Variants in ITSN2 observed in about 807,000 individuals in gnomAD.
ITSN2 encodes intersectin-2.
ITSN2 carries 156 observed loss-of-function variants against 243.7 expected under a neutral mutation model. The ratio of observed to expected loss-of-function variants is 0.64; its 90% CI spans 0.56 to 0.73. The LOEUF (loss-of-function observed/expected upper bound fraction) is 0.73, where lower values mean the gene tolerates loss of function less well. Among genes scored for constraint, ITSN2 ranks in the 30% least tolerant of loss-of-function variants. The probability of loss-of-function intolerance (pLI) is 0.00; values close to 1 mark genes in which losing one functional copy is unlikely to be tolerated. For synonymous variants in ITSN2, 703 were observed against 699.9 expected, an observed-to-expected ratio of 1.00 and a Z score of -0.07; for missense variants, 1,801 against 1,996.1, an observed-to-expected ratio of 0.90 and a Z score of 1.86.
chr2:24,272,732 G>C (rs1350220830), intron 18 of ITSN2, among the ~76,000 whole-genome samples: 1 of 152,160 alleles, frequency 6.6e-6, no homozygotes, highest in Non-Finnish European at 1.5e-5. Flanking sequence ...ACTGCGCCCA[G>C]TCTACTTTTT....
Position 24,315,217 on chromosome 2 carries a change from TG to T in ITSN2, c.38del (p.Pro13GlnfsTer28), listed in dbSNP as rs1227024472. ...CTTCAGAGGTAATAGCCCACATGTT[TG>T]GCCCTCCTGAAACATAAGTGGAAGA... ...AQFPTAMNGG[P>X]NMWAITSEER... On this transcript the variant is annotated frameshift_variant, in exon 3 of 40. Transcript: ENST00000355123. LOFTEE classifies it high-confidence loss of function. 6.2e-7 allele frequency: 1 copy of T among 1,606,288 alleles called. No individual in the cohort carries two copies. Among genetic ancestry groups the T allele is most frequent in the African/African-American group, 1.3e-5 (1 of 74,730 alleles).
At chr2:24,319,126 G>C (rs1488869031) in intron 2 of ITSN2, among the ~76,000 whole-genome samples, 3 of 152,168 alleles carry the variant, frequency 2.0e-5, no homozygotes, top group African/African-American at 2.4e-5. Context: ...GTGCCAAAAA[G>C]GTTGGGGACC....
chr2:24,308,051 ACTCTACTTGCCTATTACC>A (rs1489004644), intron 8 of ITSN2, among the ~76,000 whole-genome samples: 9 of 152,100 alleles, frequency 5.9e-5, no homozygotes, highest in Non-Finnish European at 1.3e-4. Flanking sequence ...GAAGGTGGGA[ACTCTACTTGCCTATTACC>A]CTCTGTTTAT....
At chr2:24,306,913 C>A (rs1218483749) in intron 8 of ITSN2, among the ~76,000 whole-genome samples, 3 of 151,858 alleles carry the variant, frequency 2.0e-5, no homozygotes, top group Non-Finnish European at 4.4e-5. Flanking sequence ...TCAAGCAATT[C>A]TCCTGCCTCA....
chr2:24,301,863 G>T (rs1681792643), intron 10 of ITSN2, 102 bp downstream of exon 10: 2 of 1,131,184 alleles, frequency 1.8e-6, no homozygotes, highest in Non-Finnish European at 2.5e-6. Context: ...AGTATAACTT[G>T]TTGAATACTA....
chr2:24,324,253 A>G (rs1396057289), intron 2 of ITSN2, among the ~76,000 whole-genome samples: 2 of 152,044 alleles, frequency 1.3e-5, no homozygotes, highest in African/African-American at 4.8e-5. Flanking sequence ...ATTAAATTAA[A>G]TTAAATTAAA....
At chr2:24,258,662 T>G (rs1362745276) in intron 22 of ITSN2, among the ~76,000 whole-genome samples, 2 of 152,218 alleles carry the variant, frequency 1.3e-5, no homozygotes, top group Non-Finnish European at 2.9e-5. Flanking sequence ...CTAAAAATAT[T>G]TAAGTCCTTC....
chr2:24,324,384 C>T (rs1288695872), intron 2 of ITSN2, among the ~76,000 whole-genome samples: 1 of 151,982 alleles, frequency 6.6e-6, no homozygotes, highest in Non-Finnish European at 1.5e-5. Flanking sequence ...CACCAATGCT[C>T]ATCACAGTAT....
chr2:24,269,086 C>T (rs552469564), intron 20 of ITSN2, among the ~76,000 whole-genome samples: 2 of 150,584 alleles, frequency 1.3e-5, no homozygotes, highest in South Asian at 4.2e-4. Context: ...CTACTAGTCA[C>T]TCCTTTTAAG....
At chr2:24,320,379 C>T (rs1204755401) in intron 2 of ITSN2, among the ~76,000 whole-genome samples, 2 of 150,136 alleles carry the variant, frequency 1.3e-5, no homozygotes, top group East Asian at 1.9e-4. Flanking sequence ...ATTAGCCGGG[C>T]GCGGTGGCGG....
chr2:24,283,907 C>T (rs1346826574), intron 17 of ITSN2, among the ~76,000 whole-genome samples: 1 of 152,216 alleles, frequency 6.6e-6, no homozygotes, highest in Non-Finnish European at 1.5e-5. Flanking sequence ...ACCATATAAT[C>T]TGGCCATTCA....
intron 20 of ITSN2, among the ~76,000 whole-genome samples, chr2:24,265,158 T>A (rs1676515749): frequency 6.6e-6 from 1 of 152,224 alleles, no homozygotes; most frequent in African/African-American, 2.4e-5. Context: ...AGACTTCTTA[T>A]CTTTTTCTAA....
Position 24,261,208 on chromosome 2 carries a change from T to C in ITSN2, c.2580A>G (p.Gln860=). Residue 860 remains glutamine (Q), a synonymous_variant, in exon 22 of 40, where the codon CAA becomes CAG. Coordinates refer to ENST00000355123, the MANE Select transcript of ITSN2 (RefSeq NM_006277.3). ...SNQPASVTDY[Q]NVSFSNLTVN... ...CAGTTAGGTTTGAAAAAGATACATT[T>C]TGATAATCAGTCACTGATGCTGGTT... The C allele has an allele frequency of 6.2e-7, 1 of 1,613,032 alleles. No homozygotes were observed. The highest frequency in any genetic ancestry group is 8.5e-7 in the Non-Finnish European group (1 of 1,179,070).
chr2:24,353,768 C>T (rs1279163972), intron 1 of ITSN2, among the ~76,000 whole-genome samples: 2 of 152,094 alleles, frequency 1.3e-5, no homozygotes, highest in Non-Finnish European at 2.9e-5. Flanking sequence ...AATTTCATTT[C>T]TGGGAATCTG....
chr2:24,250,682 T>C (rs1198335649), intron 25 of ITSN2, among the ~76,000 whole-genome samples: 1 of 152,240 alleles, frequency 6.6e-6, no homozygotes, highest in African/African-American at 2.4e-5. Context: ...AGATTCCATG[T>C]TGCAACTAAC....
intron 29 of ITSN2, among the ~76,000 whole-genome samples, chr2:24,226,368 T>C (rs903489582): frequency 1.3e-5 from 2 of 152,172 alleles, no homozygotes; most frequent in Admixed American, 6.5e-5. Flanking sequence ...TGTTACAGGG[T>C]GGAGTAGGAA....
chr2:24,231,654 A>G (rs902456437), intron 29 of ITSN2, among the ~76,000 whole-genome samples: 2 of 152,230 alleles, frequency 1.3e-5, no homozygotes, highest in Non-Finnish European at 2.9e-5. Context: ...AGTGCAAGCA[A>G]GAATAAGAAG....
chr2:24,254,962 A>T (rs1674828505), intron 23 of ITSN2, among the ~76,000 whole-genome samples: 1 of 152,212 alleles, frequency 6.6e-6, no homozygotes, highest in African/African-American at 2.4e-5. Flanking sequence ...GGGATGCACC[A>T]GGCCTCCCTA....
At chr2:24,222,963 C>T (rs1009833775) in intron 29 of ITSN2, among the ~76,000 whole-genome samples, 4 of 151,978 alleles carry the variant, frequency 2.6e-5, no homozygotes, top group Non-Finnish European at 5.9e-5. Context: ...GGCATGAGCC[C>T]CATGCCCGGT....
Sources: gnomAD v4.1 joint callset for allele counts (sites outside exome capture counted in the v4.1 genomes callset) on GRCh38, gnomAD v4.1.1 for gene constraint, MANE v1.5 for transcripts, NCBI Gene and HGNC (gene_info 2026-07-23, HGNC 2026-07-21) for gene names.